The following GLB1 variants were observed in gnomAD, a reference collection of about 807,000 sequenced individuals.
The protein encoded by GLB1 is galactosidase beta 1.
A neutral mutation model predicts 74.0 loss-of-function variants in GLB1; 56 were observed. The ratio of observed to expected loss-of-function variants is 0.76; its 90% CI spans 0.61 to 0.94. The LOEUF (loss-of-function observed/expected upper bound fraction) is 0.94, where lower values mean the gene tolerates loss of function less well. Among genes scored for constraint, GLB1 ranks in the 40% least tolerant of loss-of-function variants. The probability of loss-of-function intolerance (pLI) is 0.00; values close to 1 mark genes in which losing one functional copy is unlikely to be tolerated. For synonymous variants in GLB1, 323 were observed against 323.6 expected (o/e 1.00, Z 0.02); for missense variants, 787 against 845.5 (o/e 0.93, Z 0.86).
intron 10 of GLB1, among the ~76,000 whole-genome samples, chr3:33,025,969 C>A (rs1243147839): frequency 6.6e-6 from 1 of 152,180 alleles, no homozygotes; most frequent in Non-Finnish European, 1.5e-5. Context: ...GTCCCTGAAG[C>A]CCGCCACGAT....
At chr3:33,002,831 CT>C (rs1320459688) in intron 15 of GLB1, among the ~76,000 whole-genome samples, 1 of 152,226 alleles carries the variant, frequency 6.6e-6, no homozygotes, top group East Asian at 1.9e-4. Context: ...CATTTAGACA[CT>C]TGCAGGACTT....
At position 33,073,896 on chromosome 3, in the gene GLB1, C is replaced by T. The variant is rs935550700; in HGVS notation, c.76-1183G>A. On this transcript the variant is annotated intron_variant, in intron 1 of 15. Transcript: ENST00000307363. The stretch of plus-strand genomic sequence containing the variant: ...AAAATTAAGCAGGCTTGGTGGCACA[C>T]GCCTATGCTCCCAGCTACTTGGGAG... Among the ~76,000 whole-genome samples, 9 of 151,638 alleles carry T rather than the reference C, an allele frequency of 5.9e-5. No homozygotes were observed. The East Asian group carries it at 7.8e-4, about 13-fold the overall frequency.
At chr3:32,994,514 C>T (rs1473351376), downstream of GLB1, among the ~76,000 whole-genome samples, 2 of 152,150 alleles carry the variant, frequency 1.3e-5, no homozygotes, top group African/African-American at 2.4e-5. Context: ...GAAGGCACAT[C>T]TTATTTTAGG....
chr3:33,081,137 G>A (rs993769104), intron 1 of GLB1, among the ~76,000 whole-genome samples: 1 of 152,148 alleles, frequency 6.6e-6, no homozygotes, highest in Non-Finnish European at 1.5e-5. Flanking sequence ...AGACAGTGAC[G>A]GTTTGATGGG....
chr3:33,069,226 C>CA (rs1293989666), intron 2 of GLB1, among the ~76,000 whole-genome samples: 1 of 151,922 alleles, frequency 6.6e-6, no homozygotes, highest in Non-Finnish European at 1.5e-5. Context: ...CCCGTCTCTA[C>CA]AAAAAACACA....
chr3:33,068,854 C>T lies in GLB1; in HGVS notation c.362G>A (p.Arg121Lys). The T allele has an allele frequency of 7.4e-6, 12 of 1,614,134 alleles. No individual in the cohort carries two copies. The highest frequency in any genetic ancestry group is 1.0e-5 in the Non-Finnish European group (12 of 1,180,026). The change falls in exon 3 of 16, where the codon AGG becomes AAG. Residue 121 changes from arginine (R) to lysine (K), a missense_variant. Arg to Lys is a conservative substitution (Grantham distance 26, BLOSUM62 2). Transcript: ENST00000307363. ...AHELGLLVIL[R>K]PGPYICAEWE... is the part of the protein sequence containing the mutation. ...CTCTGCACAGATGTAGGGCCCGGGC[C>T]TCAGGATAACCAGCAGTCCCAGCTC...
At chr3:32,994,624 A>C (rs2125441285), downstream of GLB1, among the ~76,000 whole-genome samples, 1 of 152,226 alleles carries the variant, frequency 6.6e-6, no homozygotes, top group Non-Finnish European at 1.5e-5. Context: ...TCTATGTATT[A>C]AGATTCTGTT....
At chr3:32,968,544 G>A in the GLB1 span, among the ~76,000 whole-genome samples, 1 of 152,210 alleles carries the variant, frequency 6.6e-6, no homozygotes, top group African/African-American at 2.4e-5. Context: ...CAGGCTGTTT[G>A]TGCACTTCCT....
the GLB1 span, among the ~76,000 whole-genome samples, chr3:32,981,932 T>G: frequency 1.3e-5 from 2 of 152,210 alleles, no homozygotes; most frequent in Non-Finnish European, 2.9e-5. Context: ...AATACATAGT[T>G]TATTAAGGAC....
chr3:32,990,261 T>C, the GLB1 span, among the ~76,000 whole-genome samples: 1 of 152,204 alleles, frequency 6.6e-6, no homozygotes, highest in South Asian at 2.1e-4. Flanking sequence ...ATTCTTCACC[T>C]GGCTCAACTC....
At chr3:33,094,413 T>C in intron 1 of GLB1, 1 of 1,261,390 alleles carries the variant, frequency 7.9e-7, no homozygotes, top group South Asian at 2.8e-5. Context: ...TCCAAGCTAC[T>C]CAAATACCAG....
chr3:33,034,764 G>A, intron 10 of GLB1: 1 of 659,182 alleles, frequency 1.5e-6, no homozygotes, highest in Middle Eastern at 2.6e-4. Context: ...AAGGGCCAGG[G>A]CTCTGTGTCA....
chr3:33,065,216 A>G (rs1012826239), intron 5 of GLB1, among the ~76,000 whole-genome samples: 2 of 152,190 alleles, frequency 1.3e-5, no homozygotes, highest in Admixed American at 6.5e-5. Flanking sequence ...TCCTCACTGA[A>G]AAAAGAAGGT....
the GLB1 span, among the ~76,000 whole-genome samples, chr3:32,978,399 A>C: frequency 3.4e-5 from 5 of 146,882 alleles, no homozygotes; most frequent in South Asian, 2.2e-4. Flanking sequence ...AAAAAAAAAA[A>C]CAAATTTCCT....
chr3:33,016,091 G>T lies in GLB1; in HGVS notation c.1479+618C>A, dbSNP rs185192525. On this transcript the variant is annotated intron_variant, in intron 14 of 15. Coordinates refer to ENST00000307363, the MANE Select transcript of GLB1 (RefSeq NM_000404.4). ...GAGAGCCAGTGCCCCAAGGGAAGAGGCTTCCTACAAGTGAAGAGTTTGCCA... is the reference window on the plus strand; with the variant it reads ...GAGAGCCAGTGCCCCAAGGGAAGAGTCTTCCTACAAGTGAAGAGTTTGCCA... Among the ~76,000 whole-genome samples, 85 of 152,326 alleles carry T rather than the reference G, an allele frequency of 5.6e-4. 1 individual carries two copies. The highest frequency in any genetic ancestry group is 1.9e-3 in the African/African-American group (79 of 41,578).
At chr3:33,017,103 T>C (rs1697265096) in intron 13 of GLB1, among the ~76,000 whole-genome samples, 2 of 152,182 alleles carry the variant, frequency 1.3e-5, no homozygotes, top group African/African-American at 4.8e-5. Context: ...CCTGGAATGT[T>C]TTACTGCCAA....
chr3:33,021,950 C>A (rs1386291748), intron 11 of GLB1, among the ~76,000 whole-genome samples: 2 of 152,122 alleles, frequency 1.3e-5, no homozygotes, highest in African/African-American at 4.8e-5. Context: ...TGAATGAAAA[C>A]GAAGGCTCAG....
At position 33,014,282 on chromosome 3, in the gene GLB1, G is replaced by C; in HGVS notation, c.1508C>G (p.Ser503Cys). The stretch of plus-strand genomic sequence containing the variant: ...GATCGTCCAGTCCGTGAGGATATTG[G>C]AACTGAGAGTCAGGTTAGAAACCAA... ...KGLVSNLTLS[S>C]NILTDWTIFP... Residue 503 changes from serine to cysteine, a missense_variant, in exon 15 of 16, where the codon TCC becomes TGC. Coordinates refer to ENST00000307363, the MANE Select transcript of GLB1 (RefSeq NM_000404.4). 6.2e-7 allele frequency: 1 copy of C among 1,614,150 alleles called. No homozygotes were observed. Among genetic ancestry groups the C allele is most frequent in the East Asian group, 2.2e-5 (1 of 44,884 alleles).
intron 1 of GLB1, among the ~76,000 whole-genome samples, chr3:33,085,274 C>CAAAAA (rs772490092): frequency 2.2e-4 from 16 of 74,122 alleles, no homozygotes; most frequent in African/African-American, 7.1e-4. Context: ...GAGTCTGTTT[C>CAAAAA]AAAAAAAAAA....
Sources: allele counts gnomAD v4.1 joint callset (sites outside exome capture counted in the v4.1 genomes callset), GRCh38; gene constraint gnomAD v4.1.1; transcripts MANE v1.5; gene names NCBI Gene and HGNC (gene_info 2026-07-23, HGNC 2026-07-21).